The following RYR3 variants were observed in gnomAD, a reference collection of about 807,000 sequenced individuals.
RYR3 encodes brain ryanodine receptor-calcium release channel.
RYR3 carries 207 observed loss-of-function variants against 584.3 expected under a neutral mutation model. The ratio of observed to expected loss-of-function variants is 0.35; its 90% CI spans 0.32 to 0.40. The LOEUF (loss-of-function observed/expected upper bound fraction) is 0.40. Among genes scored for constraint, RYR3 ranks in the 10% least tolerant of loss-of-function variants. The pLI, the probability that RYR3 is intolerant of heterozygous loss-of-function variation, is 1.00. For missense variants in RYR3, 5,616 were observed against 6,089.2 expected (o/e 0.92, Z 2.59); for synonymous variants, 2,416 against 2,248.5 (o/e 1.07, Z -2.11).
chr15:33,365,314 C>A (rs1226146040), intron 1 of RYR3, among the ~76,000 whole-genome samples: 1 of 152,060 alleles, frequency 6.6e-6, no homozygotes, highest in African/African-American at 2.4e-5. Context: ...TTCCATGGGA[C>A]CAAAAGTCAG....
rs1278068215 is a variant in RYR3, at chr15:33,636,329, G to T, written c.3382-47G>T. The T allele has an allele frequency of 2.0e-6, 3 of 1,524,822 alleles. No individual in the cohort carries two copies. In the African/African-American group the frequency reaches 4.1e-5, roughly 21 times the overall value. 94.5% of individuals were successfully genotyped at this position (1,524,822 alleles called of 1,614,324 possible). A position where few individuals can be genotyped will look rare whatever the true frequency, so the allele number is the denominator to read the frequency against. ...TATGGTCATTTCTCCAGCTGCTGGG[G>T]CCTCTAGAGACTCCATTTCTCTAAG... On this transcript the variant is annotated intron_variant, in intron 26 of 103. Coordinates refer to ENST00000634891, the MANE Select transcript of RYR3 (RefSeq NM_001036.6).
chr15:33,805,730 G>GTAA (rs2076170481), intron 69 of RYR3, among the ~76,000 whole-genome samples: 2 of 152,038 alleles, frequency 1.3e-5, no homozygotes, highest in South Asian at 4.2e-4. Flanking sequence ...GCCCGCCTCG[G>GTAA]CCTCCCAAAG....
At chr15:33,465,416 GT>G (rs1224536720) in intron 1 of RYR3, among the ~76,000 whole-genome samples, 2 of 152,076 alleles carry the variant, frequency 1.3e-5, no homozygotes, top group African/African-American at 2.4e-5. Context: ...CCAGGGAATG[GT>G]TTTCAGTGTA....
At chr15:33,448,123 A>G (rs2046823013) in intron 1 of RYR3, among the ~76,000 whole-genome samples, 1 of 152,222 alleles carries the variant, frequency 6.6e-6, no homozygotes, top group Non-Finnish European at 1.5e-5. Context: ...ACCTGGCCTC[A>G]GTTTCTTCTC....
chr15:33,635,504 A>G (rs1034503522), intron 25 of RYR3, 110 bp from the exon 26 acceptor site: 2 of 763,224 alleles, frequency 2.6e-6, no homozygotes, highest in African/African-American at 3.4e-5. Flanking sequence ...ACCTATGGTC[A>G]GTCTTAGATG....
chr15:33,569,154 C>G (rs1173188123), intron 12 of RYR3, among the ~76,000 whole-genome samples: 1 of 152,102 alleles, frequency 6.6e-6, no homozygotes, highest in African/African-American at 2.4e-5. Context: ...AACAATGTTT[C>G]TATGGATATT....
chr15:33,758,494 G>T (rs776527831), intron 60 of RYR3, among the ~76,000 whole-genome samples: 2 of 152,158 alleles, frequency 1.3e-5, no homozygotes, highest in Non-Finnish European at 2.9e-5. Context: ...TGAGTAGGCC[G>T]TTTTCCCCTC....
chr15:33,795,703 G>A (rs188801491), intron 67 of RYR3, among the ~76,000 whole-genome samples: 21 of 151,998 alleles, frequency 1.4e-4, no homozygotes, highest in Admixed American at 8.5e-4. Flanking sequence ...TAATTTTTTT[G>A]TATTTTTGGT....
Position 33,356,176 on chromosome 15 carries a change from T to C in RYR3, c.51+45080T>C, listed in dbSNP as rs1973955146. On this transcript the variant is annotated intron_variant, in intron 1 of 103. Transcript: ENST00000634891. ...AGGAATTTTGGAGTGAGAAGGTCCG[T>C]GTTAGTCTTATGTCTGACTCTTACT... is the stretch of plus-strand genomic sequence containing the variant. Among the ~76,000 whole-genome samples, 3 of 152,172 alleles carry C rather than the reference T, an allele frequency of 2.0e-5. No homozygotes were observed. In the South Asian group the frequency reaches 6.2e-4, roughly 32 times the overall value.
intron 46 of RYR3, among the ~76,000 whole-genome samples, chr15:33,727,693 C>A (rs1567038217): frequency 6.6e-6 from 1 of 152,110 alleles, no homozygotes; most frequent in African/African-American, 2.4e-5. Context: ...GATTCCTGGG[C>A]AGGACGAGAG....
At chr15:33,642,669 A>G (rs985571899) in intron 27 of RYR3, among the ~76,000 whole-genome samples, 1 of 152,188 alleles carries the variant, frequency 6.6e-6, no homozygotes, top group African/African-American at 2.4e-5. Context: ...TTCTTTATTT[A>G]TAAACATCTC....
intron 38 of RYR3, among the ~76,000 whole-genome samples, chr15:33,689,405 T>C (rs1199641698): frequency 6.6e-6 from 1 of 152,058 alleles, no homozygotes; most frequent in Admixed American, 6.5e-5. Flanking sequence ...CATTCTCCCA[T>C]GGATACTATA....
chr15:33,688,757 A>G (rs2065198975), intron 38 of RYR3, among the ~76,000 whole-genome samples: 1 of 152,158 alleles, frequency 6.6e-6, no homozygotes, highest in Non-Finnish European at 1.5e-5. Context: ...AGAAACAGGG[A>G]TGCTTTTACA....
At chr15:33,453,256 A>G (rs1317377673) in intron 1 of RYR3, among the ~76,000 whole-genome samples, 1 of 152,178 alleles carries the variant, frequency 6.6e-6, no homozygotes, top group Non-Finnish European at 1.5e-5. Flanking sequence ...AATAAACCTT[A>G]ATTACTATTC....
chr15:33,836,767 T>C lies in RYR3; in HGVS notation c.11569-139T>C, dbSNP rs915403275. On this transcript the variant is annotated intron_variant, in intron 87 of 103. Transcript: ENST00000634891. ...AACAGTGGACGATAAGGCATCCTCA[T>C]TCAGAATGAGAAGGAAGCTCTTTCC... The C allele has an allele frequency of 5.0e-6, 3 of 604,414 alleles. No homozygotes were observed. The Admixed American group carries it at 7.8e-5, about 16-fold the overall frequency. The allele number at this position is 604,414 out of a possible 1,614,324, so 37.4% of individuals were successfully genotyped here.
chr15:33,541,661 C>G (rs1367821523), intron 7 of RYR3, among the ~76,000 whole-genome samples: 1 of 152,124 alleles, frequency 6.6e-6, no homozygotes, highest in Non-Finnish European at 1.5e-5. Flanking sequence ...TACTTTCAAA[C>G]TGGGAATGCC....
At chr15:33,377,050 G>A (rs1165255848) in intron 1 of RYR3, among the ~76,000 whole-genome samples, 2 of 152,148 alleles carry the variant, frequency 1.3e-5, no homozygotes, top group African/African-American at 2.4e-5. Context: ...TTGTGTTCTG[G>A]AAGGTAATTT....
At chr15:33,726,527 C>T in intron 46 of RYR3, 21 bp downstream of exon 46, 1 of 1,566,854 alleles carries the variant, frequency 6.4e-7, no homozygotes, top group Non-Finnish European at 8.6e-7. Context: ...TGACTGCAGG[C>T]TGCAGCAGCA....
intron 1 of RYR3, among the ~76,000 whole-genome samples, chr15:33,361,258 G>A (rs1974728993): frequency 6.6e-6 from 1 of 152,138 alleles, no homozygotes; most frequent in Non-Finnish European, 1.5e-5. Context: ...ACTCTCCATT[G>A]GACACTTGCT....
Sources: allele counts gnomAD v4.1 joint callset (sites outside exome capture counted in the v4.1 genomes callset), GRCh38; gene constraint gnomAD v4.1.1; transcripts MANE v1.5; gene names NCBI Gene and HGNC (gene_info 2026-07-23, HGNC 2026-07-21).